The following CCDC63 variants were observed in gnomAD, a reference collection of about 807,000 sequenced individuals.
CCDC63 encodes coiled-coil domain containing 63, also known as coiled-coil domain-containing protein 63.
Under a neutral mutation model 63.6 loss-of-function variants are expected in CCDC63, and 54 were observed. The ratio of observed to expected loss-of-function variants is 0.85; its 90% CI spans 0.68 to 1.07. CCDC63 has a LOEUF of 1.07. Among genes scored for constraint, CCDC63 ranks in the 50% least tolerant of loss-of-function variants. The probability of loss-of-function intolerance (pLI) is 0.00; values close to 1 mark genes in which losing one functional copy is unlikely to be tolerated. For missense variants in CCDC63, 637 were observed against 689.6 expected (o/e 0.92, Z 0.86); for synonymous variants, 253 against 266.1 (o/e 0.95, Z 0.48).
At chr12:110,893,302 T>C (rs2071380773) in intron 9 of CCDC63, 152 bp downstream of exon 9, 1 of 645,576 alleles carries the variant, frequency 1.5e-6, no homozygotes, top group Non-Finnish European at 2.8e-6. Flanking sequence ...CTGGCCTGGA[T>C]CACATCCAGA....
chr12:110,873,957 A>G lies in CCDC63; in HGVS notation c.485A>G (p.Asn162Ser), dbSNP rs2071099194. The change falls in exon 5 of 12, where the codon AAT becomes AGT. Residue 162 changes from asparagine (N) to serine (S), a missense_variant. By Grantham distance (46) the Asn-to-Ser change is conservative (BLOSUM62 1). Transcript: ENST00000308208. The stretch of plus-strand genomic sequence containing the variant: ...ATTCACATTTTGGAAACCCGTTTGA[A>G]TCTCGTATGTAAAGTGTTCTCTGCA... The part of the protein sequence containing the change: ...KQIHILETRL[N>S]LVTVHFDKML... 1 of 1,611,176 alleles carries G rather than the reference A, an allele frequency of 6.2e-7. No homozygotes were observed. Among genetic ancestry groups the G allele is most frequent in the African/African-American group, 1.3e-5 (1 of 74,260 alleles).
At chr12:110,854,261 T>C (rs529116575) in intron 3 of CCDC63, among the ~76,000 whole-genome samples, 3 of 150,216 alleles carry the variant, frequency 2.0e-5, no homozygotes, top group Non-Finnish European at 4.4e-5. Context: ...TTTTCTTTTT[T>C]TTTTTTTTTT....
intron 8 of CCDC63, among the ~76,000 whole-genome samples, chr12:110,887,317 G>C (rs537265181): frequency 5.2e-4 from 79 of 152,082 alleles, no homozygotes; most frequent in African/African-American, 1.9e-3. Flanking sequence ...GTAGAGACAA[G>C]GTTTCATCAT....
chr12:110,856,844 CTT>C (rs34855503), intron 3 of CCDC63, among the ~76,000 whole-genome samples: 77 of 115,500 alleles, frequency 6.7e-4, no homozygotes, highest in Middle Eastern at 4.4e-3. Flanking sequence ...CCTTTCCTTT[CTT>C]TTTTTTTTTT....
intron 10 of CCDC63, 34 bp downstream of exon 10, chr12:110,899,159 AAACATTTCCAG>A (rs747238169): frequency 3.2e-6 from 5 of 1,572,892 alleles, no homozygotes; most frequent in Non-Finnish European, 4.3e-6. Context: ...GAGTCTTAGG[AAACATTTCCAG>A]AACTTTCTGT....
chr12:110,881,075 G>A (rs368975044), intron 6 of CCDC63, 40 bp from the exon 7 acceptor site: 72 of 1,536,398 alleles, frequency 4.7e-5, no homozygotes, highest in South Asian at 3.6e-4. Context: ...GTAGAGAGGA[G>A]GAGCCTCAGA....
chr12:110,899,099 C>T lies in CCDC63; in HGVS notation c.1316C>T (p.Thr439Ile), dbSNP rs758287561. The T allele has an allele frequency of 2.5e-5, 40 of 1,612,754 alleles. No homozygotes were observed. The highest frequency in any genetic ancestry group is 4.0e-5 in the African/African-American group (3 of 74,864). Residue 439 changes from threonine (T) to isoleucine (I), a missense_variant, in exon 10 of 12, where the codon ACT becomes ATT. Transcript: ENST00000308208. The stretch of plus-strand genomic sequence containing the variant: ...CAGTTAGGGGAGACGGGGAAAGTCA[C>T]TGACATCAACCTTCCGCAGTATTTT... ...LVQLGETGKV[T>I]DINLPQYFAI...
intron 3 of CCDC63, among the ~76,000 whole-genome samples, chr12:110,857,010 G>T (rs2070780442): frequency 6.6e-6 from 1 of 151,976 alleles, no homozygotes. Flanking sequence ...TCACTATGTT[G>T]TCCAGGCTGG....
At position 110,864,453 on chromosome 12, in the gene CCDC63, G is replaced by A. The variant is rs183048441; in HGVS notation, c.369+5678G>A. Among the ~76,000 whole-genome samples, 8 of 150,362 alleles carry A rather than the reference G, an allele frequency of 5.3e-5. No individual in the cohort carries two copies. In the East Asian group the frequency reaches 1.4e-3, roughly 26 times the overall value. On this transcript the variant is annotated intron_variant, in intron 4 of 11. Transcript: ENST00000308208. ...AAAAAAAAAAAAGAGACTGGGCGCCGTGACTCATGCCTGTAATCCCAGCAC... is the reference window on the plus strand; with the variant it reads ...AAAAAAAAAAAAGAGACTGGGCGCCATGACTCATGCCTGTAATCCCAGCAC...
intron 4 of CCDC63, among the ~76,000 whole-genome samples, chr12:110,867,867 C>G (rs79173255): frequency 6.7e-6 from 1 of 149,396 alleles, no homozygotes; most frequent in Non-Finnish European, 1.5e-5. Context: ...GGGTGGCTGC[C>G]AGGTGGAGAC....
intron 4 of CCDC63, among the ~76,000 whole-genome samples, chr12:110,872,662 T>C (rs1351576462): frequency 1.3e-5 from 2 of 152,190 alleles, no homozygotes; most frequent in Non-Finnish European, 2.9e-5. Flanking sequence ...AGGGTCTTGC[T>C]CTGTTCAGGC....
chr12:110,856,269 AG>A (rs1441992830), intron 3 of CCDC63, among the ~76,000 whole-genome samples: 2 of 151,846 alleles, frequency 1.3e-5, no homozygotes, highest in Non-Finnish European at 2.9e-5. Flanking sequence ...TATTTTTAGT[AG>A]AGAAAGGGTT....
Position 110,854,293 on chromosome 12 carries a change from C to CTTT in CCDC63, c.179+732_179+734dup, listed in dbSNP as rs34749124. 5.5e-3 allele frequency among the ~76,000 whole-genome samples: 554 copies of CTTT among 101,578 alleles called. 3 individuals carry two copies. The highest frequency in any genetic ancestry group is 7.0e-3 in the Non-Finnish European group (384 of 54,522). The allele number at this position is 101,578 out of a possible 152,430, so 66.6% of individuals were successfully genotyped here. A position where few individuals can be genotyped will look rare whatever the true frequency, so the allele number is the denominator to read the frequency against. On this transcript the variant is annotated intron_variant, in intron 3 of 11. Transcript: ENST00000308208. ...TTTTGGAGTGTATCATTTCTTTTCTCTTTTTTTTTTTTTTTGGAGATGGAG... is the reference window on the plus strand; with the variant it reads ...TTTTGGAGTGTATCATTTCTTTTCTCTTTTTTTTTTTTTTTTTTGGAGATGGAG...
At position 110,881,203 on chromosome 12, in the gene CCDC63, C is replaced by A. The variant is rs376513856; in HGVS notation, c.760C>A (p.Arg254Ser). The change falls in exon 7 of 12, where the codon CGT becomes AGT. Residue 254 changes from arginine (R) to serine (S), a missense_variant. Coordinates refer to ENST00000308208, the MANE Select transcript of CCDC63 (RefSeq NM_152591.3). ...QYNLEIRELE[R>S]LYAHESKLKS... ...CAACCTGGAGATCCGAGAGCTGGAGCGTCTCTATGCCCATGAGAGCAAGCT... is the reference window on the plus strand; with the variant it reads ...CAACCTGGAGATCCGAGAGCTGGAGAGTCTCTATGCCCATGAGAGCAAGCT... 778 of 1,613,668 alleles carry A rather than the reference C, an allele frequency of 4.8e-4. 9 individuals are homozygous for A. In the South Asian group the frequency reaches 7.9e-3, roughly 16 times the overall value.
rs1212456245 is a variant in CCDC63 at position 110,891,614 on chromosome 12, G to A, written c.1075-1462G>A. Among the ~76,000 whole-genome samples, 6 of 126,622 alleles carry A rather than the reference G, an allele frequency of 4.7e-5. No individual in the cohort carries two copies. The East Asian group carries it at 1.3e-3, about 28-fold the overall frequency. The allele number at this position is 126,622 out of a possible 152,430, so 83.1% of individuals were successfully genotyped here. On this transcript the variant is annotated intron_variant, in intron 8 of 11. Coordinates refer to ENST00000308208, the MANE Select transcript of CCDC63 (RefSeq NM_152591.3). ...TATGCCACAGCACTTCAGCCTGGGT[G>A]ACAGAGAGAGACCCTTTCTCAAAAA...
chr12:110,898,639 G>C (rs1054906127), intron 9 of CCDC63, among the ~76,000 whole-genome samples: 1 of 149,854 alleles, frequency 6.7e-6, no homozygotes, highest in Non-Finnish European at 1.5e-5. Context: ...AAAAAAATTC[G>C]TAATCCTGTA....
At chr12:110,855,349 C>T (rs893031047) in intron 3 of CCDC63, among the ~76,000 whole-genome samples, 3 of 152,136 alleles carry the variant, frequency 2.0e-5, no homozygotes, top group Admixed American at 2.0e-4. Flanking sequence ...CCACAACCTG[C>T]ACATCTGTGG....
At chr12:110,903,327 G>A (rs536881190) in intron 10 of CCDC63, among the ~76,000 whole-genome samples, 1 of 152,290 alleles carries the variant, frequency 6.6e-6, no homozygotes, top group South Asian at 2.1e-4. Context: ...TTTGATCCCT[G>A]ATTTTCAGAT....
At chr12:110,878,862 T>C (rs959742459) in intron 5 of CCDC63, among the ~76,000 whole-genome samples, 1 of 152,182 alleles carries the variant, frequency 6.6e-6, no homozygotes, top group African/African-American at 2.4e-5. Flanking sequence ...CCATGAACAG[T>C]GTAACCAATC....
Sources: gnomAD v4.1 joint callset for allele counts (sites outside exome capture counted in the v4.1 genomes callset) on GRCh38, gnomAD v4.1.1 for gene constraint, MANE v1.5 for transcripts, NCBI Gene and HGNC (gene_info 2026-07-23, HGNC 2026-07-21) for gene names.